Variants in NDUFAF5 observed in about 807,000 individuals in gnomAD.
The protein encoded by NDUFAF5 is arginine-hydroxylase NDUFAF5, mitochondrial.
In NDUFAF5, 34 loss-of-function variants were observed where a neutral mutation model predicts 48.9. The ratio of observed to expected loss-of-function variants is 0.70; its 90% CI spans 0.53 to 0.93. The LOEUF is 0.93. Among genes scored for constraint, NDUFAF5 ranks in the 40% least tolerant of loss-of-function variants. NDUFAF5 has a pLI of 0.00. For missense variants in NDUFAF5, 428 were observed against 427.5 expected (o/e 1.00, Z -0.01); for synonymous variants, 153 against 150.6 (o/e 1.02, Z -0.12).
At chr20:13,817,097 T>C (rs1396262227) in intron 10 of NDUFAF5, 21 bp from the exon 11 acceptor site, 1 of 1,606,832 alleles carries the variant, frequency 6.2e-7, no homozygotes, top group Non-Finnish European at 8.5e-7. Context: ...TTCTAATATC[T>C]TTAATCTTTA....
intron 7 of NDUFAF5, among the ~76,000 whole-genome samples, chr20:13,803,852 C>A (rs774110020): frequency 3.2e-4 from 49 of 151,956 alleles, no homozygotes; most frequent in Non-Finnish European, 5.1e-4. Flanking sequence ...ATGGCACGGT[C>A]TTGGCCCACC....
At chr20:13,789,549 C>T (rs993716930) in intron 3 of NDUFAF5, among the ~76,000 whole-genome samples, 6 of 151,456 alleles carry the variant, frequency 4.0e-5, no homozygotes, top group Non-Finnish European at 7.4e-5. Context: ...AATCTCAGCT[C>T]ACTGCAAGCT....
chr20:13,805,164 G>A (rs1224001890), intron 7 of NDUFAF5, among the ~76,000 whole-genome samples: 1 of 151,810 alleles, frequency 6.6e-6, no homozygotes, highest in Non-Finnish European at 1.5e-5. Flanking sequence ...GGCTGGGATG[G>A]TGTGGCGATG....
At chr20:13,788,373 G>T (rs550117923) in intron 2 of NDUFAF5, among the ~76,000 whole-genome samples, 1 of 152,300 alleles carries the variant, frequency 6.6e-6, no homozygotes, top group South Asian at 2.1e-4. Context: ...CTGGTGGAAA[G>T]CTGGCTCATC....
chr20:13,799,103 A>G (rs986070640), intron 6 of NDUFAF5, among the ~76,000 whole-genome samples: 5 of 152,192 alleles, frequency 3.3e-5, no homozygotes, highest in African/African-American at 9.7e-5. Context: ...CAAGAGCTTC[A>G]TCAGCATTAA....
At chr20:13,798,562 A>G (rs1019379759) in intron 6 of NDUFAF5, 62 bp downstream of exon 6, 3 of 1,267,200 alleles carry the variant, frequency 2.4e-6, no homozygotes, top group Non-Finnish European at 2.3e-6. Context: ...AGAAATCTAC[A>G]GATGTTTCTA....
intron 9 of NDUFAF5, 94 bp downstream of exon 9, chr20:13,816,640 G>C (rs142855852): frequency 2.0e-6 from 2 of 1,025,080 alleles, no homozygotes; most frequent in Middle Eastern, 2.9e-4. Context: ...TTCCATTCCT[G>C]TTAAGGCTCC....
chr20:13,812,689 CGAGAAGT>C (rs1986021035), intron 8 of NDUFAF5, among the ~76,000 whole-genome samples: 1 of 152,244 alleles, frequency 6.6e-6, no homozygotes, highest in Admixed American at 6.5e-5. Flanking sequence ...ATTGAGGCAT[CGAGAAGT>C]TAAGTATCTT....
chr20:13,810,868 A>G (rs1244806870), intron 8 of NDUFAF5, among the ~76,000 whole-genome samples: 1 of 152,120 alleles, frequency 6.6e-6, no homozygotes, highest in Non-Finnish European at 1.5e-5. Flanking sequence ...AGAAGTTCCC[A>G]TCTTGTGGGT....
At chr20:13,794,032 G>C (rs1982768247) in intron 4 of NDUFAF5, among the ~76,000 whole-genome samples, 1 of 152,006 alleles carries the variant, frequency 6.6e-6, no homozygotes, top group African/African-American at 2.4e-5. Context: ...GTAAGAGCTT[G>C]GTTTTTAGGG....
At chr20:13,791,573 T>C (rs1422572702) in intron 3 of NDUFAF5, among the ~76,000 whole-genome samples, 1 of 152,192 alleles carries the variant, frequency 6.6e-6, no homozygotes, top group African/African-American at 2.4e-5. Context: ...CCAGGAATAG[T>C]AAGATGGAAA....
At position 13,817,429 on chromosome 20, in the gene NDUFAF5, G is replaced by T; in HGVS notation, c.*219G>T. 1 of 664,404 alleles carries T rather than the reference G, an allele frequency of 1.5e-6. No homozygotes were observed. Among genetic ancestry groups the T allele is most frequent in the South Asian group, 1.5e-5 (1 of 66,582 alleles). The allele number at this position is 664,404 out of a possible 1,614,324, so 41.2% of individuals were successfully genotyped here. On this transcript the variant is annotated 3_prime_UTR_variant, in exon 11 of 11. Transcript: ENST00000378106. ...ACTGCTGAGTGTCTTTGCAGATTCA[G>T]CCTAAAAGCAAAGAAAATATTTCCC...
chr20:13,819,200 C>T lies in NDUFAF5; in HGVS notation c.*1990C>T, dbSNP rs1986811890. ...TTAAGCTTTTATTGTTTGGAGCCCT[C>T]AGGAAACTAATTTTTCTGAATAACC... On this transcript the variant is annotated 3_prime_UTR_variant, in exon 11 of 11. Transcript: ENST00000378106. 1 of 152,110 alleles carries T rather than the reference C, an allele frequency of 6.6e-6. No individual in the cohort carries two copies. The highest frequency in any genetic ancestry group is 1.5e-5 in the Non-Finnish European group (1 of 68,020). The allele number at this position is 152,110 out of a possible 1,614,324, so 9.4% of individuals were successfully genotyped here. A position where few individuals can be genotyped will look rare whatever the true frequency, so the allele number is the denominator to read the frequency against.
chr20:13,818,717 A>G lies in NDUFAF5; in HGVS notation c.*1507A>G, dbSNP rs185735688. The G allele has an allele frequency of 1.8e-4, 29 of 164,666 alleles. No homozygotes were observed. Among genetic ancestry groups the G allele is most frequent in the Admixed American group, 9.8e-4 (17 of 17,356 alleles). The allele number at this position is 164,666 out of a possible 1,614,324, so 10.2% of individuals were successfully genotyped here. On this transcript the variant is annotated 3_prime_UTR_variant, in exon 11 of 11. Transcript: ENST00000378106. ...AGGAATGGGTAAATTCCAGGGGTCT[A>G]TATTTCCAAAAGGACATGTGTTTTT... is the stretch of plus-strand genomic sequence containing the variant.
intron 4 of NDUFAF5, 62 bp from the exon 5 acceptor site, chr20:13,794,776 T>G: frequency 1.0e-6 from 1 of 975,906 alleles, no homozygotes; most frequent in Non-Finnish European, 1.6e-6. Context: ...CAAACAGTGA[T>G]TGTGTTAGTA....
rs539068267 is a variant in NDUFAF5, at chr20:13,808,477, A to G, written c.718-365A>G. Reference sequence around the variant, plus strand: ...AGAAAGATTGATATTGACACTGTCCAGGGACATGTAGTCAGAACATGTAAG... The same window carrying G: ...AGAAAGATTGATATTGACACTGTCCGGGGACATGTAGTCAGAACATGTAAG... On this transcript the variant is annotated intron_variant, in intron 7 of 10. Coordinates refer to ENST00000378106, the MANE Select transcript of NDUFAF5 (RefSeq NM_024120.5). Among the ~76,000 whole-genome samples the G allele has an allele frequency of 5.9e-5, 9 of 152,234 alleles. No individual in the cohort carries two copies. In the South Asian group the frequency reaches 1.5e-3, roughly 25 times the overall value.
intron 7 of NDUFAF5, among the ~76,000 whole-genome samples, chr20:13,802,654 G>T (rs1296805630): frequency 1.6e-5 from 2 of 123,680 alleles, no homozygotes; most frequent in Non-Finnish European, 3.2e-5. Flanking sequence ...TGGGCAACAA[G>T]AGTGAAATTC....
At chr20:13,790,618 C>T (rs1982126433) in intron 3 of NDUFAF5, among the ~76,000 whole-genome samples, 1 of 152,192 alleles carries the variant, frequency 6.6e-6, no homozygotes. Context: ...CTGCCCAGAA[C>T]TGTTAGTTTG....
At position 13,818,122 on chromosome 20, in the gene NDUFAF5, C is replaced by T. The variant is rs1568790889; in HGVS notation, c.*912C>T. The T allele has an allele frequency of 2.2e-6, 1 of 454,116 alleles. No individual in the cohort carries two copies. The highest frequency in any genetic ancestry group is 6.9e-5 in the East Asian group (1 of 14,394). The allele number at this position is 454,116 out of a possible 1,614,324, so 28.1% of individuals were successfully genotyped here. A position where few individuals can be genotyped will look rare whatever the true frequency, so the allele number is the denominator to read the frequency against. On this transcript the variant is annotated 3_prime_UTR_variant, in exon 11 of 11. Coordinates refer to ENST00000378106, the MANE Select transcript of NDUFAF5 (RefSeq NM_024120.5). ...GCATTTCCTTCTGTCTCCTCTCAGTCTCTCTTCTGCCTTCCTTCCCTCCTT... is the reference window on the plus strand; with the variant it reads ...GCATTTCCTTCTGTCTCCTCTCAGTTTCTCTTCTGCCTTCCTTCCCTCCTT...
Sources: gnomAD v4.1 joint callset for allele counts (sites outside exome capture counted in the v4.1 genomes callset) on GRCh38, gnomAD v4.1.1 for gene constraint, MANE v1.5 for transcripts, NCBI Gene and HGNC (gene_info 2026-07-23, HGNC 2026-07-21) for gene names.